GNG12: variants seen among roughly 807,000 people sequenced by gnomAD.
GNG12 encodes the protein guanine nucleotide-binding protein G(I)/G(S)/G(O) subunit gamma-12.
For synonymous variants in GNG12, 28 were observed against 29.7 expected (o/e 0.94, Z 0.19); for missense variants, 69 against 83.8 (o/e 0.82, Z 0.69).
chr1:67,724,985 C>CA (rs1292849163), intron 2 of GNG12, among the ~76,000 whole-genome samples: 1 of 152,100 alleles, frequency 6.6e-6, no homozygotes, highest in African/African-American at 2.4e-5. Flanking sequence ...GAATGGAAGA[C>CA]ACGTTAATTA....
At chr1:67,826,781 T>C (rs183702438) in intron 1 of GNG12, among the ~76,000 whole-genome samples, 10 of 152,316 alleles carry the variant, frequency 6.6e-5, no homozygotes, top group African/African-American at 1.7e-4. Flanking sequence ...TGGGATTTAA[T>C]GGATTTCAGT....
intron 2 of GNG12, among the ~76,000 whole-genome samples, chr1:67,725,841 T>C (rs560713916): frequency 1.3e-5 from 2 of 152,386 alleles, no homozygotes; most frequent in East Asian, 1.9e-4. Context: ...CTCAGAAATA[T>C]TATTTCAAGT....
intron 2 of GNG12, among the ~76,000 whole-genome samples, chr1:67,767,928 T>G (rs1403217904): frequency 1.3e-5 from 2 of 152,196 alleles, no homozygotes; most frequent in African/African-American, 4.8e-5. Flanking sequence ...CAAAAAACAG[T>G]GTTCTGCAAA....
chr1:67,706,019 T>C (rs1334026827), intron 3 of GNG12, among the ~76,000 whole-genome samples: 2 of 152,194 alleles, frequency 1.3e-5, no homozygotes, highest in African/African-American at 4.8e-5. Flanking sequence ...TGCAAATAAC[T>C]TTCAAGGGTT....
chr1:67,773,162 T>C (rs1458070431), intron 2 of GNG12, among the ~76,000 whole-genome samples: 1 of 152,178 alleles, frequency 6.6e-6, no homozygotes, highest in Non-Finnish European at 1.5e-5. Context: ...CCAAAGGAAA[T>C]TCTCCTTCAC....
At chr1:67,751,258 A>G (rs1557605037) in intron 2 of GNG12, among the ~76,000 whole-genome samples, 1 of 152,118 alleles carries the variant, frequency 6.6e-6, no homozygotes, top group Non-Finnish European at 1.5e-5. Flanking sequence ...GCCACTAAAA[A>G]TATTTATTAG....
chr1:67,776,546 C>T (rs1444509934), intron 2 of GNG12, among the ~76,000 whole-genome samples: 1 of 152,186 alleles, frequency 6.6e-6, no homozygotes, highest in Non-Finnish European at 1.5e-5. Flanking sequence ...CCTGCCCAAT[C>T]ACCATATGAA....
chr1:67,715,257 A>G (rs1350670698), intron 2 of GNG12, among the ~76,000 whole-genome samples: 1 of 152,166 alleles, frequency 6.6e-6, no homozygotes, highest in Non-Finnish European at 1.5e-5. Context: ...AGGCCTCAGA[A>G]GCGGCCAACC....
At chr1:67,766,850 C>A (rs576963157) in intron 2 of GNG12, among the ~76,000 whole-genome samples, 3 of 152,260 alleles carry the variant, frequency 2.0e-5, no homozygotes, top group Admixed American at 2.0e-4. Flanking sequence ...CTGGGCCTCG[C>A]TTCCCCCTCA....
intron 2 of GNG12, among the ~76,000 whole-genome samples, chr1:67,772,844 T>G (rs1318871963): frequency 1.3e-5 from 2 of 152,204 alleles, no homozygotes; most frequent in Non-Finnish European, 2.9e-5. Flanking sequence ...TCACTACTGC[T>G]AGAAGTATGG....
intron 2 of GNG12, among the ~76,000 whole-genome samples, chr1:67,717,732 G>A (rs902162179): frequency 3.3e-5 from 5 of 152,166 alleles, no homozygotes; most frequent in African/African-American, 1.2e-4. Context: ...TGGCATCAGT[G>A]ATGCTAGACT....
At chr1:67,733,759 C>T (rs1646434915) in intron 2 of GNG12, among the ~76,000 whole-genome samples, 1 of 152,200 alleles carries the variant, frequency 6.6e-6, no homozygotes, top group African/African-American at 2.4e-5. Context: ...TCAGAACACA[C>T]AGGGGAGGGG....
intron 1 of GNG12, among the ~76,000 whole-genome samples, chr1:67,777,896 T>C (rs1238287074): frequency 6.6e-6 from 1 of 152,142 alleles, no homozygotes; most frequent in Non-Finnish European, 1.5e-5. Context: ...CCAACATAAC[T>C]TGAAGGGCAG....
chr1:67,821,627 C>A (rs1310371835), intron 1 of GNG12, among the ~76,000 whole-genome samples: 5 of 152,178 alleles, frequency 3.3e-5, no homozygotes, highest in African/African-American at 1.2e-4. Flanking sequence ...ATCAGCCAAG[C>A]CCACCCTCAC....
At chr1:67,707,801 G>T in intron 2 of GNG12, 89 bp from the exon 3 acceptor site, 1 of 666,234 alleles carries the variant, frequency 1.5e-6, no homozygotes, top group Non-Finnish European at 2.5e-6. Flanking sequence ...AAGGGAAATA[G>T]ATGGATTTTC....
intron 2 of GNG12, among the ~76,000 whole-genome samples, chr1:67,775,287 A>G (rs1248493631): frequency 6.6e-6 from 1 of 152,266 alleles, no homozygotes; most frequent in East Asian, 1.9e-4. Context: ...AAGGTTCCAG[A>G]GCCAGGCTCA....
chr1:67,763,889 TCTAA>T (rs1266246577), intron 2 of GNG12, among the ~76,000 whole-genome samples: 3 of 152,196 alleles, frequency 2.0e-5, no homozygotes, highest in African/African-American at 7.2e-5. Context: ...CAATTTGCAG[TCTAA>T]CAAAGGATGG....
At chr1:67,717,364 A>T (rs1290817233) in intron 2 of GNG12, among the ~76,000 whole-genome samples, 1 of 152,036 alleles carries the variant, frequency 6.6e-6, no homozygotes, top group Non-Finnish European at 1.5e-5. Flanking sequence ...AAAAAAGGAA[A>T]AATCAGCCGG....
At position 67,833,371 on chromosome 1, in the gene GNG12, C is replaced by T. The variant is rs568987513; in HGVS notation, c.-104G>A. 2.5e-5 allele frequency: 25 copies of T among 985,498 alleles called. No homozygotes were observed. In the East Asian group the frequency reaches 1.3e-3, roughly 50 times the overall value. The allele number at this position is 985,498 out of a possible 1,614,324, so 61.0% of individuals were successfully genotyped here. ...GCCTGCCGGTGCGCTGCCCCGCCGT[C>T]GCCGCCGGGACTCGGTCTCTAAGGG... On this transcript the variant is annotated 5_prime_UTR_variant, in exon 1 of 4. Coordinates refer to ENST00000370982, the MANE Select transcript of GNG12 (RefSeq NM_018841.6).
Sources: allele counts gnomAD v4.1 joint callset (sites outside exome capture counted in the v4.1 genomes callset), GRCh38; gene constraint gnomAD v4.1.1; transcripts MANE v1.5; gene names NCBI Gene and HGNC (gene_info 2026-07-23, HGNC 2026-07-21).